The following NKAIN2 variants were observed in gnomAD, a reference collection of about 807,000 sequenced individuals.
The protein encoded by NKAIN2 is sodium/potassium-transporting ATPase subunit beta-1-interacting protein 2.
NKAIN2 carries 14 observed loss-of-function variants against 32.6 expected under a neutral mutation model. The ratio of observed to expected loss-of-function variants is 0.43; its 90% CI spans 0.28 to 0.67. The LOEUF (loss-of-function observed/expected upper bound fraction) is 0.67, where lower values mean the gene tolerates loss of function less well. Among genes scored for constraint, NKAIN2 ranks in the 30% least tolerant of loss-of-function variants. The pLI is 0.17. For missense variants in NKAIN2, 198 were observed against 258.3 expected (o/e 0.77, Z 1.60); for synonymous variants, 80 against 87.2 (o/e 0.92, Z 0.46).
At chr6:124,584,051 C>T (rs1781619571) in intron 3 of NKAIN2, among the ~76,000 whole-genome samples, 1 of 152,064 alleles carries the variant, frequency 6.6e-6, no homozygotes, top group South Asian at 2.1e-4. Flanking sequence ...TAAAATAAAA[C>T]ATTGAGGAAA....
chr6:124,552,755 ATAAT>A (rs1780337795), intron 3 of NKAIN2, among the ~76,000 whole-genome samples: 1 of 152,188 alleles, frequency 6.6e-6, no homozygotes, highest in African/African-American at 2.4e-5. Flanking sequence ...GTTGGGAAAA[ATAAT>A]TAATCACTCA....
At chr6:124,297,779 C>G (rs1171864913) in intron 2 of NKAIN2, among the ~76,000 whole-genome samples, 1 of 150,280 alleles carries the variant, frequency 6.7e-6, no homozygotes, top group Non-Finnish European at 1.5e-5. Context: ...GGAACAAAAT[C>G]GGGCATTTGG....
At chr6:124,342,908 G>A (rs1446158485) in intron 2 of NKAIN2, among the ~76,000 whole-genome samples, 2 of 151,214 alleles carry the variant, frequency 1.3e-5, no homozygotes, top group Non-Finnish European at 2.9e-5. Context: ...GTATACATGT[G>A]CCATGTTGGT....
chr6:124,482,724 G>T (rs753142458), intron 3 of NKAIN2, among the ~76,000 whole-genome samples: 3 of 152,168 alleles, frequency 2.0e-5, no homozygotes, highest in Non-Finnish European at 4.4e-5. Context: ...ATTGGATTCT[G>T]TTGAAAAGAA....
intron 1 of NKAIN2, among the ~76,000 whole-genome samples, chr6:123,831,006 G>T (rs1399440404): frequency 6.6e-6 from 1 of 152,166 alleles, no homozygotes; most frequent in East Asian, 1.9e-4. Flanking sequence ...TTTGTAAGTT[G>T]CATATTTAAG....
intron 4 of NKAIN2, among the ~76,000 whole-genome samples, chr6:124,737,046 A>T (rs1776981412): frequency 6.6e-6 from 1 of 151,970 alleles, no homozygotes; most frequent in South Asian, 2.1e-4. Context: ...AACATTCAGG[A>T]TTCATGAGAG....
intron 2 of NKAIN2, among the ~76,000 whole-genome samples, chr6:124,331,320 T>C (rs1370083242): frequency 7.2e-5 from 8 of 111,546 alleles, no homozygotes; most frequent in Admixed American, 5.5e-4. Flanking sequence ...GCTAACACGG[T>C]GAAACCCTGT....
chr6:124,632,256 A>C (rs1420714946), intron 3 of NKAIN2, among the ~76,000 whole-genome samples: 1 of 152,204 alleles, frequency 6.6e-6, no homozygotes, highest in Non-Finnish European at 1.5e-5. Context: ...ATACACAGGA[A>C]AAACATATTG....
At chr6:124,403,820 T>A (rs960317244) in intron 3 of NKAIN2, among the ~76,000 whole-genome samples, 8 of 152,192 alleles carry the variant, frequency 5.3e-5, no homozygotes, top group African/African-American at 1.7e-4. Context: ...GTTAAACACA[T>A]CCTTTGAATT....
At chr6:123,836,702 A>G (rs1222155629) in intron 1 of NKAIN2, among the ~76,000 whole-genome samples, 1 of 151,982 alleles carries the variant, frequency 6.6e-6, no homozygotes, top group Admixed American at 6.6e-5. Context: ...TCTGTAGTTT[A>G]GTTCATTGTA....
chr6:124,810,445 G>C (rs1187290871), intron 5 of NKAIN2, among the ~76,000 whole-genome samples: 1 of 151,978 alleles, frequency 6.6e-6, no homozygotes, highest in African/African-American at 2.4e-5. Flanking sequence ...AGAACACATG[G>C]ACACAGGAAG....
chr6:123,814,038 T>C (rs1228192052), intron 1 of NKAIN2, among the ~76,000 whole-genome samples: 1 of 152,154 alleles, frequency 6.6e-6, no homozygotes, highest in African/African-American at 2.4e-5. Flanking sequence ...AAAATGTGGT[T>C]CCATTTTATT....
At chr6:124,464,982 G>C (rs1424658007) in intron 3 of NKAIN2, among the ~76,000 whole-genome samples, 2 of 151,676 alleles carry the variant, frequency 1.3e-5, no homozygotes, top group Non-Finnish European at 2.9e-5. Flanking sequence ...TCACAATATT[G>C]ATTCTTCCTA....
At chr6:123,965,902 A>G (rs1360035818) in intron 1 of NKAIN2, among the ~76,000 whole-genome samples, 1 of 152,206 alleles carries the variant, frequency 6.6e-6, no homozygotes, top group Non-Finnish European at 1.5e-5. Flanking sequence ...GAGGGACTCA[A>G]AACATTTTTA....
At chr6:124,109,691 T>C (rs1785282622) in intron 1 of NKAIN2, among the ~76,000 whole-genome samples, 1 of 152,060 alleles carries the variant, frequency 6.6e-6, no homozygotes, top group Non-Finnish European at 1.5e-5. Flanking sequence ...TTCCTGATTG[T>C]AGAGACAAGC....
At position 124,010,762 on chromosome 6, in the gene NKAIN2, G is replaced by T. The variant is rs563188498; in HGVS notation, c.54+206508G>T. 3.3e-5 allele frequency among the ~76,000 whole-genome samples: 5 copies of T among 152,138 alleles called. No homozygotes were observed. The South Asian group carries it at 8.3e-4, about 25-fold the overall frequency. ...GGGCTCAGTCAAATTAGCTACTTTG[G>T]TTATTGCTGTAGTGGTAACATTTAC... is the stretch of plus-strand genomic sequence containing the variant. On this transcript the variant is annotated intron_variant, in intron 1 of 6. Transcript: ENST00000368417.
chr6:123,873,143 C>T (rs1166981891), intron 1 of NKAIN2, among the ~76,000 whole-genome samples: 1 of 151,928 alleles, frequency 6.6e-6, no homozygotes, highest in African/African-American at 2.4e-5. Flanking sequence ...GTAAAGAAAA[C>T]AAAATGGAAT....
chr6:124,072,220 T>G (rs984054809), intron 1 of NKAIN2, among the ~76,000 whole-genome samples: 1 of 151,964 alleles, frequency 6.6e-6, no homozygotes, highest in African/African-American at 2.4e-5. Flanking sequence ...CAAATTAACA[T>G]AGGAACAGAA....
intron 1 of NKAIN2, among the ~76,000 whole-genome samples, chr6:124,158,049 G>A (rs802269): frequency 0.8 from 121,299 of 152,150 alleles, 49,520 homozygotes; most frequent in South Asian, 0.9. Flanking sequence ...TATTTTTTCT[G>A]CTTATATTAG....
Sources: allele counts gnomAD v4.1 joint callset (sites outside exome capture counted in the v4.1 genomes callset), GRCh38; gene constraint gnomAD v4.1.1; transcripts MANE v1.5; gene names NCBI Gene and HGNC (gene_info 2026-07-23, HGNC 2026-07-21).